NAV2: variants seen among roughly 807,000 people sequenced by gnomAD.
NAV2 encodes neuron navigator 2.
Under a neutral mutation model 223.2 loss-of-function variants are expected in NAV2, and 54 were observed. The ratio of observed to expected loss-of-function variants is 0.24; its 90% CI spans 0.19 to 0.30. NAV2 has a LOEUF of 0.30. Among genes scored for constraint, NAV2 ranks in the 10% least tolerant of loss-of-function variants. NAV2 has a pLI of 1.00. For missense variants in NAV2, 2,806 were observed against 3,147.5 expected (o/e 0.89, Z 2.60); for synonymous variants, 1,279 against 1,239.3 (o/e 1.03, Z -0.67).
intron 6 of NAV2, among the ~76,000 whole-genome samples, chr11:19,893,600 A>G (rs2041693930): frequency 6.6e-6 from 1 of 152,168 alleles, no homozygotes; most frequent in African/African-American, 2.4e-5. Flanking sequence ...TTCCCCCAAG[A>G]GTTTGCTAAT....
chr11:19,584,503 C>T (rs551229673), intron 1 of NAV2, among the ~76,000 whole-genome samples: 69 of 152,316 alleles, frequency 4.5e-4, no homozygotes, highest in African/African-American at 1.7e-3. Flanking sequence ...CCTGTTTTCT[C>T]TTGTGGGCAT....
At chr11:19,957,721 A>G (rs932255087) in intron 10 of NAV2, among the ~76,000 whole-genome samples, 2 of 152,182 alleles carry the variant, frequency 1.3e-5, no homozygotes, top group African/African-American at 4.8e-5. Flanking sequence ...CAGCACTCCC[A>G]TGCGCACTCT....
chr11:19,445,229 C>T (rs1235253273), intron 1 of NAV2, among the ~76,000 whole-genome samples: 1 of 151,958 alleles, frequency 6.6e-6, no homozygotes, highest in African/African-American at 2.4e-5. Flanking sequence ...TAGACAGGGC[C>T]CCCTTTGAAT....
intron 1 of NAV2, among the ~76,000 whole-genome samples, chr11:19,813,170 T>A (rs10833179): frequency 1.3e-5 from 2 of 152,046 alleles, no homozygotes; most frequent in Non-Finnish European, 2.9e-5. Context: ...GGGCAGGCAC[T>A]GTTGTTTTTT....
Position 20,037,598 on chromosome 11 carries a change from A to AG in NAV2, c.2907+1506dup, listed in dbSNP as rs574199699. ...ACAAAAACTACCCATATGACTAGAA[A>AG]GGGGGCCATGGGTAATGCTCTGTAT... On this transcript the variant is annotated intron_variant, in intron 12 of 37. Transcript: ENST00000349880. 1.4e-4 allele frequency among the ~76,000 whole-genome samples: 22 copies of AG among 152,336 alleles called. No individual in the cohort carries two copies. The South Asian group carries it at 4.4e-3, about 30-fold the overall frequency.
At chr11:19,534,996 C>T (rs1315361202) in intron 1 of NAV2, among the ~76,000 whole-genome samples, 2 of 152,090 alleles carry the variant, frequency 1.3e-5, no homozygotes, top group Non-Finnish European at 2.9e-5. Context: ...CAAAATAAGT[C>T]CTTAGCACAG....
rs550252499 is a variant in NAV2 at position 19,430,802 on chromosome 11, T to A, written c.75+79775T>A. Among the ~76,000 whole-genome samples, 22 of 152,318 alleles carry A rather than the reference T, an allele frequency of 1.4e-4. No individual in the cohort carries two copies. In the South Asian group the frequency reaches 3.7e-3, roughly 26 times the overall value. On this transcript the variant is annotated intron_variant, in intron 1 of 37. Transcript: ENST00000360655. ...TTGTCCCCTCCAATTCATCTACAGA[T>A]GTCCGTGGAAAGGTCCGCTCCTCAG...
intron 1 of NAV2, among the ~76,000 whole-genome samples, chr11:19,437,689 A>C (rs746308839): frequency 5.4e-4 from 81 of 149,432 alleles, no homozygotes; most frequent in Admixed American, 5.4e-4. Context: ...AACATTCACT[A>C]TGATTTATGT....
chr11:19,513,713 G>A (rs1202713831), intron 1 of NAV2, among the ~76,000 whole-genome samples: 1 of 152,204 alleles, frequency 6.6e-6, no homozygotes, highest in Admixed American at 6.5e-5. Context: ...ACCTTATTTG[G>A]AAATAAAGTC....
chr11:19,958,156 C>T (rs1441464595), intron 10 of NAV2, among the ~76,000 whole-genome samples: 2 of 152,330 alleles, frequency 1.3e-5, no homozygotes. Context: ...AGATGTCCTC[C>T]TCCTCCCATA....
intron 1 of NAV2, among the ~76,000 whole-genome samples, chr11:19,452,294 G>A (rs1436011889): frequency 2.0e-5 from 3 of 152,240 alleles, no homozygotes; most frequent in Non-Finnish European, 2.9e-5. Flanking sequence ...GAACTGCCAT[G>A]TGCCAGGTAT....
intron 1 of NAV2, among the ~76,000 whole-genome samples, chr11:19,656,741 C>T (rs1228273601): frequency 6.6e-6 from 1 of 152,178 alleles, no homozygotes; most frequent in Non-Finnish European, 1.5e-5. Flanking sequence ...CCCCTGGACT[C>T]CTGTGAGAAG....
intron 19 of NAV2, among the ~76,000 whole-genome samples, chr11:20,057,232 A>T (rs1180587592): frequency 6.6e-6 from 1 of 152,248 alleles, no homozygotes; most frequent in Non-Finnish European, 1.5e-5. Flanking sequence ...GTCAAAAGGG[A>T]GAGAAACACA....
intron 1 of NAV2, chr11:19,591,366 A>T (rs752758864): frequency 6.6e-6 from 1 of 152,130 alleles, no homozygotes; most frequent in Admixed American, 6.5e-5. Flanking sequence ...ATAGTTTCTC[A>T]TTCTTTTTTG....
At chr11:19,589,489 C>T (rs894256234) in intron 1 of NAV2, among the ~76,000 whole-genome samples, 5 of 152,156 alleles carry the variant, frequency 3.3e-5, no homozygotes, top group Non-Finnish European at 5.9e-5. Flanking sequence ...GGAAAAAGGA[C>T]ATTTGAGGAG....
chr11:19,419,025 A>G (rs1194579266), intron 1 of NAV2, among the ~76,000 whole-genome samples: 5 of 152,226 alleles, frequency 3.3e-5, no homozygotes, highest in African/African-American at 1.2e-4. Flanking sequence ...TAGGGACTCA[A>G]GGAGGGTATA....
At chr11:19,769,184 C>T (rs1410234330) in intron 1 of NAV2, among the ~76,000 whole-genome samples, 1 of 152,154 alleles carries the variant, frequency 6.6e-6, no homozygotes, top group Non-Finnish European at 1.5e-5. Flanking sequence ...TTGATGTTGG[C>T]ATTTCACTGG....
chr11:20,039,658 A>T (rs573341587), intron 12 of NAV2, among the ~76,000 whole-genome samples: 2 of 152,366 alleles, frequency 1.3e-5, no homozygotes, highest in East Asian at 3.9e-4. Flanking sequence ...ACTCCCTCAC[A>T]TATTCATCTG....
intron 1 of NAV2, among the ~76,000 whole-genome samples, chr11:19,718,281 T>C (rs559032828): frequency 6.6e-6 from 1 of 152,332 alleles, no homozygotes; most frequent in South Asian, 2.1e-4. Context: ...ATAAGTAACA[T>C]GCCTGAGCTA....
Sources: gnomAD v4.1 joint callset for allele counts (sites outside exome capture counted in the v4.1 genomes callset) on GRCh38, gnomAD v4.1.1 for gene constraint, MANE v1.5 for transcripts, NCBI Gene and HGNC (gene_info 2026-07-23, HGNC 2026-07-21) for gene names.